SAMD5: variants seen among roughly 807,000 people sequenced by gnomAD.
SAMD5 encodes the protein sterile alpha motif domain containing 5.
Under a neutral mutation model 11.3 loss-of-function variants are expected in SAMD5, and 13 were observed. The ratio of observed to expected loss-of-function variants is 1.15; its 90% CI spans 0.75 to 1.83. The LOEUF (loss-of-function observed/expected upper bound fraction) is 1.83, where lower values mean the gene tolerates loss of function less well. Among genes scored for constraint, SAMD5 ranks in the 40% most tolerant of loss-of-function variants. SAMD5 has a pLI of 0.00. For missense variants in SAMD5, 255 were observed against 239.1 expected, an observed-to-expected ratio of 1.07 and a Z score of -0.44; for synonymous variants, 129 against 111.3, an observed-to-expected ratio of 1.16 and a Z score of -1.00.
the SAMD5 span, among the ~76,000 whole-genome samples, chr6:147,870,284 G>A: frequency 6.6e-6 from 1 of 151,888 alleles, no homozygotes; most frequent in Admixed American, 6.6e-5. Context: ...TATAAAGGCC[G>A]GAAGAATCCT....
At position 147,509,371 on chromosome 6, in the gene SAMD5, C is replaced by T; in HGVS notation, c.443C>T (p.Pro148Leu). Residue 148 changes from proline to leucine, a missense_variant, in exon 1 of 2, where the codon CCC (proline) becomes CTC (leucine). Transcript: ENST00000367474. ...CGTGACGGCATCCACCTGAGCAAGC[C>T]CCCGTACTCCCGCAAGGTAAGGAGG... ...LVRDGIHLSK[P>L]PYSRKVPMAG... 4 of 1,560,300 alleles carry T rather than the reference C, an allele frequency of 2.6e-6. No individual in the cohort carries two copies. Among genetic ancestry groups the T allele is most frequent in the Non-Finnish European group, 3.5e-6 (4 of 1,154,698 alleles).
the SAMD5 span, among the ~76,000 whole-genome samples, chr6:147,892,219 T>C: frequency 6.6e-6 from 1 of 152,206 alleles, no homozygotes; most frequent in African/African-American, 2.4e-5. Context: ...CAGGCATTGC[T>C]GTAGTGGAGA....
At chr6:147,702,383 G>C (rs1470519660) in intron 1 of SAMD5, among the ~76,000 whole-genome samples, 2 of 152,158 alleles carry the variant, frequency 1.3e-5, no homozygotes, top group Non-Finnish European at 2.9e-5. Flanking sequence ...CTCTAGATGA[G>C]AGGCAATAAA....
intron 1 of SAMD5, among the ~76,000 whole-genome samples, chr6:147,538,553 C>T (rs1011620582): frequency 6.6e-6 from 1 of 151,854 alleles, no homozygotes. Flanking sequence ...AACTATATAC[C>T]GGGGTGGATC....
chr6:147,629,892 C>A (rs1790120929), intron 1 of SAMD5, among the ~76,000 whole-genome samples: 1 of 151,378 alleles, frequency 6.6e-6, no homozygotes, highest in African/African-American at 2.4e-5. Flanking sequence ...GGATCCAAGT[C>A]TAACACTGAC....
At chr6:147,635,596 CT>C (rs1336043466) in intron 1 of SAMD5, among the ~76,000 whole-genome samples, 1 of 152,212 alleles carries the variant, frequency 6.6e-6, no homozygotes, top group Non-Finnish European at 1.5e-5. Context: ...ACCCCTTCCA[CT>C]CCCATTGTGG....
chr6:147,626,829 A>G (rs1420658212), intron 1 of SAMD5, among the ~76,000 whole-genome samples: 3 of 150,916 alleles, frequency 2.0e-5, no homozygotes, highest in African/African-American at 7.3e-5. Flanking sequence ...AAAGAAAGAA[A>G]AGAAGTGAAG....
the SAMD5 span, among the ~76,000 whole-genome samples, chr6:147,927,009 G>C: frequency 6.6e-6 from 1 of 152,116 alleles, no homozygotes; most frequent in Non-Finnish European, 1.5e-5. Flanking sequence ...CCTCTATTCT[G>C]TTCCATGGTC....
At chr6:147,635,799 A>G (rs888249015) in intron 1 of SAMD5, among the ~76,000 whole-genome samples, 2 of 152,200 alleles carry the variant, frequency 1.3e-5, no homozygotes, top group Non-Finnish European at 2.9e-5. Context: ...ATGAATACGT[A>G]TGGAGCCGAT....
At chr6:147,872,288 G>C in the SAMD5 span, among the ~76,000 whole-genome samples, 1 of 151,638 alleles carries the variant, frequency 6.6e-6, no homozygotes, top group Non-Finnish European at 1.5e-5. Context: ...TTTAGAGATG[G>C]GGTCTTGCTC....
chr6:147,634,544 G>A (rs537533101), intron 1 of SAMD5, among the ~76,000 whole-genome samples: 8 of 152,298 alleles, frequency 5.3e-5, no homozygotes, highest in East Asian at 1.9e-4. Context: ...ATTGTGACAC[G>A]TATCAGAAGT....
At chr6:147,878,471 C>G in the SAMD5 span, among the ~76,000 whole-genome samples, 5 of 151,492 alleles carry the variant, frequency 3.3e-5, no homozygotes, top group African/African-American at 1.2e-4. Flanking sequence ...CATACTACAT[C>G]TCTATTTATA....
the SAMD5 span, among the ~76,000 whole-genome samples, chr6:147,823,227 C>T: frequency 6.6e-6 from 1 of 152,088 alleles, no homozygotes; most frequent in Non-Finnish European, 1.5e-5. Flanking sequence ...TCTTTAACAA[C>T]TTAATATTTC....
intron 1 of SAMD5, among the ~76,000 whole-genome samples, chr6:147,612,691 TG>T (rs1789804220): frequency 6.6e-6 from 1 of 152,228 alleles, no homozygotes; most frequent in Non-Finnish European, 1.5e-5. Flanking sequence ...CAGAAACCCG[TG>T]GAAGCACAGA....
the SAMD5 span, among the ~76,000 whole-genome samples, chr6:147,793,604 T>C: frequency 1.3e-5 from 2 of 152,212 alleles, no homozygotes; most frequent in Non-Finnish European, 1.5e-5. Flanking sequence ...ATTATTTTAT[T>C]GTATGGATGG....
At chr6:147,597,761 G>A (rs535941793) in intron 1 of SAMD5, among the ~76,000 whole-genome samples, 4 of 152,238 alleles carry the variant, frequency 2.6e-5, no homozygotes, top group East Asian at 1.9e-4. Context: ...TCAAACTCAC[G>A]TGAGCCCCAG....
At chr6:147,828,223 G>C in the SAMD5 span, among the ~76,000 whole-genome samples, 4 of 152,322 alleles carry the variant, frequency 2.6e-5, no homozygotes, top group East Asian at 5.8e-4. Context: ...CTGAATTAAA[G>C]TGGACCATAC....
intron 1 of SAMD5, among the ~76,000 whole-genome samples, chr6:147,529,163 G>T (rs1788389072): frequency 6.6e-6 from 1 of 152,188 alleles, no homozygotes; most frequent in Non-Finnish European, 1.5e-5. Context: ...TTTTATTAAA[G>T]ATGAAAATGG....
At chr6:147,944,811 C>T in the SAMD5 span, among the ~76,000 whole-genome samples, 1 of 152,208 alleles carries the variant, frequency 6.6e-6, no homozygotes, top group Non-Finnish European at 1.5e-5. Context: ...GCAGGGTTGA[C>T]TCCTTCTGAG....
Sources: allele counts gnomAD v4.1 joint callset (sites outside exome capture counted in the v4.1 genomes callset), GRCh38; gene constraint gnomAD v4.1.1; transcripts MANE v1.5; gene names NCBI Gene and HGNC (gene_info 2026-07-23, HGNC 2026-07-21).